Variants in PDZD2 observed in about 807,000 individuals in gnomAD.
The protein encoded by PDZD2 is PDZ domain containing 2.
Under a neutral mutation model 220.7 loss-of-function variants are expected in PDZD2, and 90 were observed. That is an observed-to-expected ratio of 0.41 (90% CI 0.34 to 0.49). PDZD2 has a LOEUF of 0.49. Among genes scored for constraint, PDZD2 ranks in the 20% least tolerant of loss-of-function variants. The pLI, the probability that PDZD2 is intolerant of heterozygous loss-of-function variation, is 0.28. For synonymous variants in PDZD2, 1,375 were observed against 1,450.5 expected (o/e 0.95, Z 1.18); for missense variants, 3,174 against 3,608.5 (o/e 0.88, Z 3.08).
intron 1 of PDZD2, among the ~76,000 whole-genome samples, chr5:31,675,475 A>G (rs2150120323): frequency 6.6e-6 from 1 of 152,234 alleles, no homozygotes; most frequent in South Asian, 2.1e-4. Context: ...ATCCTATCAA[A>G]GGGATAATAA....
intron 2 of PDZD2, among the ~76,000 whole-genome samples, chr5:31,811,733 T>C (rs550665120): frequency 3.3e-5 from 5 of 152,238 alleles, no homozygotes; most frequent in Middle Eastern, 6.8e-3. Flanking sequence ...CTCATGCCTG[T>C]AATCTCAGCA....
At position 32,108,167 on chromosome 5, in the gene PDZD2, TC is replaced by T. The variant is rs373969745; in HGVS notation, c.*33del. On this transcript the variant is annotated 3_prime_UTR_variant, in exon 25 of 25. Transcript: ENST00000438447. ...ACAAGAATCATTTTCTCAGTTCTCTTCTTTCTTTAGCAAATCAGAGTGACTT... is the reference window on the plus strand; with the variant it reads ...ACAAGAATCATTTTCTCAGTTCTCTTTTTCTTTAGCAAATCAGAGTGACTT... 7.3e-4 allele frequency: 1,091 copies of T among 1,503,486 alleles called. 8 individuals carry two copies. In the African/African-American group the frequency reaches 0.01, roughly 14 times the overall value. The allele number at this position is 1,503,486 out of a possible 1,614,324, so 93.1% of individuals were successfully genotyped here.
chr5:31,834,491 AATAGAAG>A (rs1333907744), intron 2 of PDZD2, among the ~76,000 whole-genome samples: 1 of 152,190 alleles, frequency 6.6e-6, no homozygotes, highest in Non-Finnish European at 1.5e-5. Context: ...ATGCAACAGA[AATAGAAG>A]ATAGAGAAAA....
Position 32,108,029 on chromosome 5 carries a change from G to A in PDZD2, c.8414G>A (p.Gly2805Glu), listed in dbSNP as rs765413476. 1 of 1,612,382 alleles carries A rather than the reference G, an allele frequency of 6.2e-7. No homozygotes were observed. The highest frequency in any genetic ancestry group is 8.5e-7 in the Non-Finnish European group (1 of 1,178,468). The change falls in exon 25 of 25, where the codon GGG becomes GAG. Residue 2805 changes from glycine (G) to glutamate (E), a missense_variant. Coordinates refer to ENST00000438447, the MANE Select transcript of PDZD2 (RefSeq NM_178140.4). Reference sequence around the variant, plus strand: ...GGAGATGAAATTCTTGCTATTAATGGGAAACCTCTGGTTGGGCTCATGCAC... The same window carrying A: ...GGAGATGAAATTCTTGCTATTAATGAGAAACCTCTGGTTGGGCTCATGCAC... ...EAGDEILAIN[G>E]KPLVGLMHFD...
intron 2 of PDZD2, among the ~76,000 whole-genome samples, chr5:31,918,600 C>T (rs772722605): frequency 6.6e-6 from 1 of 152,172 alleles, no homozygotes; most frequent in Admixed American, 6.5e-5. Flanking sequence ...GTTTAAGCTT[C>T]TCTTTTGATT....
At chr5:31,687,902 A>C (rs1019630509) in intron 1 of PDZD2, among the ~76,000 whole-genome samples, 2 of 152,172 alleles carry the variant, frequency 1.3e-5, no homozygotes, top group African/African-American at 4.8e-5. Context: ...CCCTGCCTCC[A>C]GTGCAGTCAC....
intron 1 of PDZD2, among the ~76,000 whole-genome samples, chr5:31,644,446 G>T (rs1745060255): frequency 6.6e-6 from 1 of 152,222 alleles, no homozygotes; most frequent in Non-Finnish European, 1.5e-5. Context: ...ATGTGTTCAA[G>T]AAGACACTGG....
intron 19 of PDZD2, among the ~76,000 whole-genome samples, chr5:32,084,401 A>G (rs962492828): frequency 1.5e-4 from 23 of 152,194 alleles, no homozygotes; most frequent in African/African-American, 5.3e-4. Context: ...CATCCTTCCA[A>G]TGCAGATGGT....
At chr5:31,816,910 G>A (rs992260121) in intron 2 of PDZD2, among the ~76,000 whole-genome samples, 20 of 152,220 alleles carry the variant, frequency 1.3e-4, no homozygotes, top group East Asian at 3.9e-4. Flanking sequence ...CAGGCTGGGC[G>A]CCATGGCTCA....
intron 1 of PDZD2, among the ~76,000 whole-genome samples, chr5:31,738,899 T>G (rs13187645): frequency 4.0e-5 from 6 of 151,836 alleles, no homozygotes; most frequent in Non-Finnish European, 7.4e-5. Context: ...GATTTTTTTT[T>G]TTTTCAGACA....
chr5:31,683,047 TG>T (rs1317553793), intron 1 of PDZD2, among the ~76,000 whole-genome samples: 1 of 152,046 alleles, frequency 6.6e-6, no homozygotes, highest in Non-Finnish European at 1.5e-5. Context: ...CCCTGCCATC[TG>T]GTGTTTGCTA....
intron 6 of PDZD2, among the ~76,000 whole-genome samples, chr5:32,014,706 C>CTTT (rs556276502): frequency 5.2e-5 from 5 of 95,422 alleles, no homozygotes; most frequent in East Asian, 5.9e-4. Context: ...ATGACAATTT[C>CTTT]TTTTTTTTTT....
At chr5:32,093,111 A>C (rs982187847) in intron 21 of PDZD2, 87 bp downstream of exon 21, 20 of 723,798 alleles carry the variant, frequency 2.8e-5, no homozygotes, top group Non-Finnish European at 4.4e-5. Context: ...AGCCGAGGAG[A>C]GCCCGCCCCG....
At position 31,681,225 on chromosome 5, in the gene PDZD2, T is replaced by C. The variant is rs1746639383; in HGVS notation, c.-361+41788T>C. On this transcript the variant is annotated intron_variant, in intron 1 of 24. Coordinates refer to ENST00000438447, the MANE Select transcript of PDZD2 (RefSeq NM_178140.4). ...ATGACTGTTGATTCATCAATACTTA[T>C]AACATGTTTTATTTGTTTTTGTTTT... is the stretch of plus-strand genomic sequence containing the variant. Among the ~76,000 whole-genome samples, 3 of 152,186 alleles carry C rather than the reference T, an allele frequency of 2.0e-5. No individual in the cohort carries two copies. The South Asian group carries it at 6.2e-4, about 32-fold the overall frequency.
chr5:31,705,787 C>A (rs184707998), intron 1 of PDZD2, among the ~76,000 whole-genome samples: 50 of 152,294 alleles, frequency 3.3e-4, no homozygotes, highest in African/African-American at 1.2e-3. Flanking sequence ...TGGTGGCTTA[C>A]GCCTATAATC....
chr5:31,903,476 G>T (rs1489746798), intron 2 of PDZD2, among the ~76,000 whole-genome samples: 1 of 151,360 alleles, frequency 6.6e-6, no homozygotes, highest in Non-Finnish European at 1.5e-5. Flanking sequence ...GTGAGACCCT[G>T]TCTCTACTAA....
chr5:32,109,238 GA>G lies in PDZD2; in HGVS notation c.*1106del. 1 of 152,316 alleles carries G rather than the reference GA, an allele frequency of 6.6e-6. No individual in the cohort carries two copies. The highest frequency in any genetic ancestry group is 2.4e-5 in the African/African-American group (1 of 41,564). 9.4% of individuals were successfully genotyped at this position (152,316 alleles called of 1,614,324 possible). Reference sequence around the variant, plus strand: ...TTTCCCTCTTTCCCAACATGTTTAAGAAATGTAACATTCTAAGTATTGGATC... The same window carrying G: ...TTTCCCTCTTTCCCAACATGTTTAAGAATGTAACATTCTAAGTATTGGATC... On this transcript the variant is annotated 3_prime_UTR_variant, in exon 25 of 25. Coordinates refer to ENST00000438447, the MANE Select transcript of PDZD2 (RefSeq NM_178140.4).
intron 5 of PDZD2, among the ~76,000 whole-genome samples, chr5:32,004,524 A>G (rs1752657541): frequency 6.6e-6 from 1 of 152,202 alleles, no homozygotes; most frequent in African/African-American, 2.4e-5. Flanking sequence ...TTAGCAGGTC[A>G]AGGCTGCAGT....
chr5:31,650,021 T>A (rs1370295075), intron 1 of PDZD2, among the ~76,000 whole-genome samples: 1 of 144,308 alleles, frequency 6.9e-6, no homozygotes, highest in Non-Finnish European at 1.5e-5. Context: ...GAAAAAGAAA[T>A]GATATTCTTA....
Sources: gnomAD v4.1 joint callset for allele counts (sites outside exome capture counted in the v4.1 genomes callset) on GRCh38, gnomAD v4.1.1 for gene constraint, MANE v1.5 for transcripts, NCBI Gene and HGNC (gene_info 2026-07-23, HGNC 2026-07-21) for gene names.